Variants in GASK1B observed in about 807,000 individuals in gnomAD.
GASK1B encodes the protein golgi associated kinase 1B.
Under a neutral mutation model 42.8 loss-of-function variants are expected in GASK1B, and 34 were observed. The ratio of observed to expected loss-of-function variants is 0.79; its 90% CI spans 0.60 to 1.06. The LOEUF is 1.06. Ranked by LOEUF, GASK1B falls within the 50% of genes least tolerant of loss-of-function variation. GASK1B has a pLI of 0.00. For synonymous variants in GASK1B, 262 were observed against 259.1 expected (o/e 1.01, Z -0.11); for missense variants, 686 against 661.0 (o/e 1.04, Z -0.42).
intron 2 of GASK1B, chr4:158,170,153 A>G: frequency 7.1e-7 from 1 of 1,399,244 alleles, no homozygotes; most frequent in Non-Finnish European, 9.8e-7. Flanking sequence ...TCTCCTCATC[A>G]TGCAAATTGC....
intron 2 of GASK1B, among the ~76,000 whole-genome samples, chr4:158,165,014 A>C (rs17037201): frequency 0.13 from 19,399 of 152,276 alleles, 1,380 homozygotes; most frequent in African/African-American, 0.17. Flanking sequence ...ACTAAGCAGC[A>C]TTGACATACA....
chr4:158,164,413 G>A (rs931729703), intron 2 of GASK1B, among the ~76,000 whole-genome samples: 11 of 152,108 alleles, frequency 7.2e-5, no homozygotes, highest in South Asian at 6.2e-4. Context: ...AAGGTTGCCC[G>A]GTTCCCCGTT....
intron 2 of GASK1B, among the ~76,000 whole-genome samples, chr4:158,156,120 T>C (rs56033321): frequency 0.017 from 2,620 of 152,264 alleles, 62 homozygotes; most frequent in African/African-American, 0.058. Flanking sequence ...CAACGTCCTA[T>C]GGTTAATGTG....
At chr4:158,145,215 G>A (rs1731284620) in intron 3 of GASK1B, among the ~76,000 whole-genome samples, 1 of 151,890 alleles carries the variant, frequency 6.6e-6, no homozygotes, top group East Asian at 1.9e-4. Flanking sequence ...CATTAAGTGG[G>A]AAAAAAATAA....
intron 2 of GASK1B, chr4:158,159,687 T>G: frequency 5.7e-6 from 1 of 174,730 alleles, no homozygotes. Flanking sequence ...GAATTAAAGG[T>G]TATATAGCTG....
At chr4:158,131,975 T>C (rs1730700783) in intron 3 of GASK1B, among the ~76,000 whole-genome samples, 1 of 152,206 alleles carries the variant, frequency 6.6e-6, no homozygotes, top group Non-Finnish European at 1.5e-5. Flanking sequence ...AAACTACTGT[T>C]ACTCTTGTTG....
At chr4:158,143,577 G>A (rs1731217053) in intron 3 of GASK1B, among the ~76,000 whole-genome samples, 1 of 152,146 alleles carries the variant, frequency 6.6e-6, no homozygotes. Context: ...AAAGGAAAAA[G>A]TGACAGGAAT....
intron 2 of GASK1B, among the ~76,000 whole-genome samples, chr4:158,157,435 T>A (rs17037180): frequency 2.6e-5 from 4 of 152,246 alleles, no homozygotes; most frequent in African/African-American, 9.6e-5. Context: ...CCAAGTACCA[T>A]GCCAATTTAT....
At chr4:158,170,058 T>G (rs1732405630) in intron 2 of GASK1B, 1 of 635,160 alleles carries the variant, frequency 1.6e-6, no homozygotes, top group East Asian at 2.8e-5. Flanking sequence ...CCCCTTACTT[T>G]TAAAAACTTC....
chr4:158,170,390 A>G, intron 2 of GASK1B, 76 bp downstream of exon 2: 3 of 1,614,186 alleles, frequency 1.9e-6, no homozygotes, highest in African/African-American at 1.3e-5. Flanking sequence ...TCATTTAGAA[A>G]AAGAGAGTGA....
intron 2 of GASK1B, among the ~76,000 whole-genome samples, chr4:158,165,202 C>T (rs1442284442): frequency 2.0e-5 from 3 of 152,192 alleles, no homozygotes; most frequent in African/African-American, 7.2e-5. Context: ...GTGCAGACTA[C>T]AGGGGAAGCT....
chr4:158,142,134 C>T (rs1158391977), intron 3 of GASK1B, among the ~76,000 whole-genome samples: 119 of 138,814 alleles, frequency 8.6e-4, no homozygotes, highest in South Asian at 1.4e-3. Context: ...TTAGTAGAGA[C>T]GGGGTTTCAC....
intron 2 of GASK1B, among the ~76,000 whole-genome samples, chr4:158,168,018 C>T (rs1217007415): frequency 6.6e-6 from 1 of 152,144 alleles, no homozygotes; most frequent in Non-Finnish European, 1.5e-5. Flanking sequence ...CTGTAACAGT[C>T]TGCTTGAGTA....
At chr4:158,158,514 G>C (rs750087316) in intron 2 of GASK1B, among the ~76,000 whole-genome samples, 6 of 151,994 alleles carry the variant, frequency 3.9e-5, no homozygotes, top group Non-Finnish European at 8.8e-5. Flanking sequence ...CTTGTATGTA[G>C]AGTTTGTCAT....
chr4:158,142,963 G>A (rs1253809903), intron 3 of GASK1B, among the ~76,000 whole-genome samples: 2 of 152,148 alleles, frequency 1.3e-5, no homozygotes. Flanking sequence ...CAATCACAAA[G>A]TGTGGGCATT....
At position 158,159,401 on chromosome 4, in the gene GASK1B, G is replaced by A. The variant is rs1464715965; in HGVS notation, c.911-3576C>T. 4 of 351,504 alleles carry A rather than the reference G, an allele frequency of 1.1e-5. No homozygotes were observed. The Admixed American group carries it at 1.6e-4, about 14-fold the overall frequency. The allele number at this position is 351,504 out of a possible 1,614,324, so 21.8% of individuals were successfully genotyped here. On this transcript the variant is annotated intron_variant, in intron 2 of 4. Coordinates refer to ENST00000585682, the MANE Select transcript of GASK1B (RefSeq NM_001128424.2). ...GAGCAATGAGTACTACTGTTGAGGA[G>A]AATTCCACCTCTTTTAATATAAGGC...
At chr4:158,157,606 C>T (rs1176729867) in intron 2 of GASK1B, among the ~76,000 whole-genome samples, 1 of 152,028 alleles carries the variant, frequency 6.6e-6, no homozygotes, top group Non-Finnish European at 1.5e-5. Context: ...CTATTAGTGT[C>T]TTTGAACCAA....
chr4:158,129,343 A>T (rs950216572), intron 4 of GASK1B, among the ~76,000 whole-genome samples: 1 of 152,180 alleles, frequency 6.6e-6, no homozygotes, highest in African/African-American at 2.4e-5. Context: ...TGTCTTAGGA[A>T]AGTAAATTTT....
chr4:158,138,607 C>T (rs1730997449), intron 3 of GASK1B, among the ~76,000 whole-genome samples: 1 of 151,734 alleles, frequency 6.6e-6, no homozygotes, highest in Non-Finnish European at 1.5e-5. Context: ...ATGTGTATTA[C>T]TTTTATTATT....
Sources: allele counts gnomAD v4.1 joint callset (sites outside exome capture counted in the v4.1 genomes callset), GRCh38; gene constraint gnomAD v4.1.1; transcripts MANE v1.5; gene names NCBI Gene and HGNC (gene_info 2026-07-23, HGNC 2026-07-21).